Variants in RBFOX1 observed in about 807,000 individuals in gnomAD.
RBFOX1 encodes RNA binding protein fox-1 homolog 1.
Under a neutral mutation model 57.7 loss-of-function variants are expected in RBFOX1, and 8 were observed. The ratio of observed to expected loss-of-function variants is 0.14; its 90% CI spans 0.08 to 0.25. The LOEUF is 0.25. RBFOX1 is among the 10% of genes least tolerant of loss of function. The pLI is 1.00. For missense variants in RBFOX1, 611 were observed against 548.5 expected (o/e 1.11, Z -1.14); for synonymous variants, 326 against 222.4 (o/e 1.47, Z -4.15).
intron 3 of RBFOX1, among the ~76,000 whole-genome samples, chr16:6,945,498 A>G (rs1368899269): frequency 1.3e-5 from 2 of 152,006 alleles, no homozygotes; most frequent in South Asian, 2.1e-4. Context: ...TGGGAAATCT[A>G]ATTCTCATTT....
At chr16:7,581,611 C>T (rs888769257) in intron 6 of RBFOX1, among the ~76,000 whole-genome samples, 1 of 151,822 alleles carries the variant, frequency 6.6e-6, no homozygotes, top group Non-Finnish European at 1.5e-5. Context: ...AGAAGGGATC[C>T]TGAGTCTCTC....
At chr16:6,703,647 C>T (rs905236958) in intron 3 of RBFOX1, among the ~76,000 whole-genome samples, 1 of 151,996 alleles carries the variant, frequency 6.6e-6, no homozygotes, top group African/African-American at 2.4e-5. Flanking sequence ...GTTGAGGCTG[C>T]AGTGAGCCAT....
intron 4 of RBFOX1, among the ~76,000 whole-genome samples, chr16:7,318,946 G>T (rs1336886833): frequency 6.6e-6 from 1 of 152,158 alleles, no homozygotes; most frequent in African/African-American, 2.4e-5. Flanking sequence ...ATGATAAATA[G>T]CGCCTGCAAA....
chr16:6,704,512 C>G (rs148475650), intron 3 of RBFOX1: 1 of 152,328 alleles, frequency 6.6e-6, no homozygotes, highest in Non-Finnish European at 1.5e-5. Flanking sequence ...GCAGCTGCCT[C>G]GGTATTCTAC....
intron 4 of RBFOX1, among the ~76,000 whole-genome samples, chr16:7,249,353 A>G (rs932496890): frequency 3.3e-5 from 5 of 152,098 alleles, no homozygotes; most frequent in African/African-American, 9.7e-5. Flanking sequence ...CTGGAGGACA[A>G]TAAGAACAAA....
intron 2 of RBFOX1, among the ~76,000 whole-genome samples, chr16:6,345,707 G>A (rs2085274576): frequency 6.6e-6 from 1 of 152,176 alleles, no homozygotes; most frequent in African/African-American, 2.4e-5. Context: ...GGGATCAGAT[G>A]TTGACACATG....
At chr16:5,748,306 A>G (rs569674825) in intron 3 of RBFOX1, among the ~76,000 whole-genome samples, 14 of 152,230 alleles carry the variant, frequency 9.2e-5, no homozygotes, top group Admixed American at 7.2e-4. Context: ...TATGTGGTCA[A>G]TTTTGGAATA....
rs562087002 is a variant in RBFOX1, at chr16:6,986,979, T to C, written c.-15-65078T>C. On this transcript the variant is annotated intron_variant, in intron 3 of 15. Coordinates refer to ENST00000550418, the MANE Select transcript of RBFOX1 (RefSeq NM_018723.4). ...TACCCATGCTTTCGAATGCCATTTA[T>C]TGTGTTTGCCAGGGTTTGTTGGTTA... 6.6e-5 allele frequency among the ~76,000 whole-genome samples: 10 copies of C among 152,276 alleles called. No homozygotes were observed. In the East Asian group the frequency reaches 1.9e-3, roughly 29 times the overall value.
intron 2 of RBFOX1, among the ~76,000 whole-genome samples, chr16:6,328,377 A>G (rs1222672959): frequency 6.6e-6 from 1 of 152,176 alleles, no homozygotes; most frequent in Non-Finnish European, 1.5e-5. Context: ...GATCGCCACT[A>G]AAGAACTTAT....
intron 2 of RBFOX1, among the ~76,000 whole-genome samples, chr16:6,528,049 C>G (rs1410976968): frequency 6.6e-6 from 1 of 152,160 alleles, no homozygotes; most frequent in East Asian, 1.9e-4. Context: ...TACCTTACAT[C>G]CTTTCCACCC....
chr16:7,611,422 C>A (rs1042141349), intron 10 of RBFOX1, among the ~76,000 whole-genome samples: 4 of 151,944 alleles, frequency 2.6e-5, no homozygotes, highest in African/African-American at 7.3e-5. Context: ...ACTAAAAATA[C>A]AAAAGATCTA....
intron 2 of RBFOX1, among the ~76,000 whole-genome samples, chr16:6,580,461 C>T (rs1450545345): frequency 6.6e-6 from 1 of 152,116 alleles, no homozygotes; most frequent in African/African-American, 2.4e-5. Context: ...TGCAAAGCCA[C>T]AATAATAAAC....
chr16:7,079,760 G>T (rs1202923295), intron 4 of RBFOX1, among the ~76,000 whole-genome samples: 1 of 151,760 alleles, frequency 6.6e-6, no homozygotes, highest in African/African-American at 2.4e-5. Context: ...GGTTACACAG[G>T]GTGGTGTTTG....
intron 3 of RBFOX1, among the ~76,000 whole-genome samples, chr16:6,657,588 C>G (rs1228374565): frequency 6.6e-6 from 1 of 152,192 alleles, no homozygotes; most frequent in South Asian, 2.1e-4. Flanking sequence ...AATTTCACCA[C>G]TGGAGTGATG....
chr16:6,256,159 G>GTATATATA (rs1245956056), intron 1 of RBFOX1, among the ~76,000 whole-genome samples: 2 of 31,464 alleles, frequency 6.4e-5, no homozygotes, highest in African/African-American at 7.3e-5. Flanking sequence ...ATATATATAT[G>GTATATATA]TATATATATA....
In RBFOX1 at chr16:5,719,293, C is replaced by A. The variant is rs547803785; in HGVS notation, c.318+120332C>A. Among the ~76,000 whole-genome samples, 5 of 151,398 alleles carry A rather than the reference C, an allele frequency of 3.3e-5. No individual in the cohort carries two copies. The East Asian group carries it at 7.8e-4, about 24-fold the overall frequency. The stretch of plus-strand genomic sequence containing the variant: ...CTCGGCTCACTGCAAGCTCCGCCCC[C>A]CTGGTTCACGCCATTCTCCTGCCTC... On this transcript the variant is annotated intron_variant, in intron 3 of 19. Transcript: ENST00000641259.
intron 4 of RBFOX1, among the ~76,000 whole-genome samples, chr16:7,374,293 A>G (rs1176673230): frequency 1.3e-5 from 2 of 152,198 alleles, no homozygotes; most frequent in Non-Finnish European, 2.9e-5. Flanking sequence ...TGTAAGGGGA[A>G]TAGCGGAATG....
At chr16:6,742,494 T>C (rs981087469) in intron 3 of RBFOX1, among the ~76,000 whole-genome samples, 13 of 152,078 alleles carry the variant, frequency 8.5e-5, no homozygotes, top group East Asian at 1.9e-4. Context: ...TCCACAGAAA[T>C]GAAAGTTAAT....
intron 4 of RBFOX1, among the ~76,000 whole-genome samples, chr16:7,395,945 A>G (rs1425649742): frequency 6.6e-6 from 1 of 152,144 alleles, no homozygotes; most frequent in Non-Finnish European, 1.5e-5. Flanking sequence ...CAAAATACAC[A>G]CCTAAATTAA....
Sources: gnomAD v4.1 joint callset for allele counts (sites outside exome capture counted in the v4.1 genomes callset) on GRCh38, gnomAD v4.1.1 for gene constraint, MANE v1.5 for transcripts, NCBI Gene and HGNC (gene_info 2026-07-23, HGNC 2026-07-21) for gene names.